SUGCT: variants seen among roughly 807,000 people sequenced by gnomAD.
The protein encoded by SUGCT is succinyl-CoA:glutarate-CoA transferase.
Under a neutral mutation model 55.0 loss-of-function variants are expected in SUGCT, and 41 were observed. That is an observed-to-expected ratio of 0.74 (90% CI 0.58 to 0.97). The LOEUF (loss-of-function observed/expected upper bound fraction) is 0.97. SUGCT is among the 50% of genes least tolerant of loss of function. SUGCT has a pLI of 0.00. For missense variants in SUGCT, 568 were observed against 547.8 expected (o/e 1.04, Z -0.37); for synonymous variants, 187 against 200.4 (o/e 0.93, Z 0.56).
chr7:40,376,462 A>T (rs1220256120), intron 9 of SUGCT, among the ~76,000 whole-genome samples: 1 of 149,152 alleles, frequency 6.7e-6, no homozygotes. Context: ...CGTGATCTCC[A>T]CTCACTGCAA....
At chr7:40,152,568 TTGA>T (rs1788629798) in intron 1 of SUGCT, 1 of 198,732 alleles carries the variant, frequency 5.0e-6, no homozygotes. Context: ...CCGAGATCGG[TTGA>T]TAACTTATTT....
chr7:40,393,491 A>C (rs1785553056), intron 9 of SUGCT, among the ~76,000 whole-genome samples: 1 of 152,192 alleles, frequency 6.6e-6, no homozygotes, highest in Non-Finnish European at 1.5e-5. Flanking sequence ...GGCAGCAAGT[A>C]GGGAATCCTT....
intron 9 of SUGCT, among the ~76,000 whole-genome samples, chr7:40,326,555 C>A (rs991236891): frequency 1.3e-5 from 2 of 152,212 alleles, no homozygotes; most frequent in South Asian, 4.1e-4. Context: ...AAGAGGGCAA[C>A]ACGCTGTGGT....
intron 13 of SUGCT, among the ~76,000 whole-genome samples, chr7:40,849,286 A>G (rs937983718): frequency 6.6e-6 from 1 of 152,238 alleles, no homozygotes; most frequent in Non-Finnish European, 1.5e-5. Context: ...TTTTCCATTT[A>G]TTAAATTTTA....
chr7:40,530,607 C>CAA (rs1322962779), intron 12 of SUGCT, among the ~76,000 whole-genome samples: 5 of 152,144 alleles, frequency 3.3e-5, no homozygotes, highest in African/African-American at 1.2e-4. Flanking sequence ...GTGTGCTGAC[C>CAA]ATATGTGAGA....
chr7:40,200,992 T>G (rs1428003012), intron 6 of SUGCT, among the ~76,000 whole-genome samples: 1 of 152,166 alleles, frequency 6.6e-6, no homozygotes, highest in Admixed American at 6.6e-5. Flanking sequence ...ACTGCTGCAG[T>G]TGGATTCTTA....
chr7:40,410,651 A>G (rs1470016376), intron 9 of SUGCT, among the ~76,000 whole-genome samples: 1 of 152,210 alleles, frequency 6.6e-6, no homozygotes, highest in Non-Finnish European at 1.5e-5. Context: ...TGTGGTAGGA[A>G]TATGCCTCCA....
intron 13 of SUGCT, among the ~76,000 whole-genome samples, chr7:40,752,352 A>T (rs563460316): frequency 1.2e-3 from 185 of 152,152 alleles, no homozygotes; most frequent in Non-Finnish European, 1.9e-3. Context: ...AGCAAATTTT[A>T]TTTTTTAAAT....
the SUGCT span, among the ~76,000 whole-genome samples, chr7:40,993,101 G>T: frequency 6.6e-6 from 1 of 152,070 alleles, no homozygotes; most frequent in Admixed American, 6.6e-5. Context: ...TCTTGCATGA[G>T]GTCTGAGTTT....
At chr7:40,506,674 TTTTA>T in intron 12 of SUGCT, among the ~76,000 whole-genome samples, 1 of 152,250 alleles carries the variant, frequency 6.6e-6, no homozygotes, top group Non-Finnish European at 1.5e-5. Flanking sequence ...TGTTCTTCTA[TTTTA>T]TTATGTTTCA....
chr7:40,902,610 AACC>A, the SUGCT span, among the ~76,000 whole-genome samples: 8 of 151,756 alleles, frequency 5.3e-5, no homozygotes, highest in Admixed American at 4.6e-4. Flanking sequence ...AAAAAACCAA[AACC>A]ACAAAGAATT....
chr7:40,157,318 G>A (rs1005984637), intron 1 of SUGCT, among the ~76,000 whole-genome samples: 11 of 152,266 alleles, frequency 7.2e-5, no homozygotes, highest in African/African-American at 2.2e-4. Flanking sequence ...AGGCGAAGGC[G>A]GCAGCTGGGC....
intron 12 of SUGCT, among the ~76,000 whole-genome samples, chr7:40,644,232 T>A (rs1401848804): frequency 6.6e-6 from 1 of 152,172 alleles, no homozygotes; most frequent in Non-Finnish European, 1.5e-5. Flanking sequence ...CATTATTGAT[T>A]TCCCCCATAT....
At chr7:40,258,751 G>A (rs544298062) in intron 7 of SUGCT, among the ~76,000 whole-genome samples, 3 of 152,214 alleles carry the variant, frequency 2.0e-5, no homozygotes, top group African/African-American at 4.8e-5. Context: ...AAATTAATGT[G>A]GCCATTATGG....
At chr7:40,730,670 C>T (rs1261224758) in intron 12 of SUGCT, among the ~76,000 whole-genome samples, 2 of 152,146 alleles carry the variant, frequency 1.3e-5, no homozygotes, top group Non-Finnish European at 2.9e-5. Context: ...AATTTTGTGT[C>T]CTTTCACCAA....
At chr7:40,156,929 C>T (rs1019172126) in intron 1 of SUGCT, among the ~76,000 whole-genome samples, 6 of 149,968 alleles carry the variant, frequency 4.0e-5, no homozygotes, top group African/African-American at 1.5e-4. Context: ...GTACGAGAAT[C>T]GCTTGAACTC....
chr7:40,801,348 TG>T (rs952759369), intron 13 of SUGCT, among the ~76,000 whole-genome samples: 2 of 152,182 alleles, frequency 1.3e-5, no homozygotes, highest in Non-Finnish European at 2.9e-5. Flanking sequence ...GAACATCTTG[TG>T]GGGGGGAGGT....
intron 13 of SUGCT, among the ~76,000 whole-genome samples, chr7:40,806,437 T>C (rs2128753588): frequency 6.6e-6 from 1 of 152,294 alleles, no homozygotes; most frequent in Admixed American, 6.5e-5. Flanking sequence ...TCAACCATTA[T>C]CATTGTAATC....
At chr7:40,453,232 A>G (rs1789288291) in intron 10 of SUGCT, among the ~76,000 whole-genome samples, 1 of 152,152 alleles carries the variant, frequency 6.6e-6, no homozygotes, top group Admixed American at 6.5e-5. Context: ...AGAAAGAAGA[A>G]CTTTCTTCAT....
Sources: allele counts gnomAD v4.1 joint callset (sites outside exome capture counted in the v4.1 genomes callset), GRCh38; gene constraint gnomAD v4.1.1; transcripts MANE v1.5; gene names NCBI Gene and HGNC (gene_info 2026-07-23, HGNC 2026-07-21).